Variants in TLL2 observed in about 807,000 individuals in gnomAD.
TLL2 encodes tolloid-like protein 2.
TLL2 carries 106 observed loss-of-function variants against 123.0 expected under a neutral mutation model. The ratio of observed to expected loss-of-function variants is 0.86; its 90% CI spans 0.74 to 1.01. The LOEUF (loss-of-function observed/expected upper bound fraction) is 1.01, where lower values mean the gene tolerates loss of function less well. Among genes scored for constraint, TLL2 ranks in the 50% least tolerant of loss-of-function variants. The probability of loss-of-function intolerance (pLI) is 0.00; values close to 1 mark genes in which losing one functional copy is unlikely to be tolerated. For synonymous variants in TLL2, 494 were observed against 516.8 expected, an observed-to-expected ratio of 0.96 and a Z score of 0.60; for missense variants, 1,332 against 1,336.7, an observed-to-expected ratio of 1.00 and a Z score of 0.06.
rs1051211995 is a variant in TLL2, at chr10:96,366,260, C to G, written c.*1828G>C. 1.3e-5 allele frequency: 2 copies of G among 152,614 alleles called. No homozygotes were observed. The highest frequency in any genetic ancestry group is 4.8e-5 in the African/African-American group (2 of 41,422). The allele number at this position is 152,614 out of a possible 1,614,324, so 9.5% of individuals were successfully genotyped here. On this transcript the variant is annotated 3_prime_UTR_variant, in exon 21 of 21. Transcript: ENST00000357947. ...CACGCTGGGCAGGGTCTGCCATATG[C>G]ACAATATGAGCGTGTAGGCTGAGCC...
chr10:96,379,391 T>C (rs1430768039), intron 16 of TLL2, among the ~76,000 whole-genome samples: 2 of 152,238 alleles, frequency 1.3e-5, no homozygotes, highest in Non-Finnish European at 2.9e-5. Context: ...TTAATCACAA[T>C]AGTAACAATA....
rs1847656001 is a variant in TLL2, at chr10:96,513,714, G to A, written c.-29C>T. On this transcript the variant is annotated 5_prime_UTR_variant, in exon 1 of 21. Coordinates refer to ENST00000357947, the MANE Select transcript of TLL2 (RefSeq NM_012465.4). ...GGCGCGGGGCCGGCTGGGGCAGAGG[G>A]AGTTGCGTGCACGAAAGCTCAGCTC... is the stretch of plus-strand genomic sequence containing the variant. 6.8e-7 allele frequency: 1 copy of A among 1,473,490 alleles called. No homozygotes were observed. The highest frequency in any genetic ancestry group is 2.3e-5 in the Admixed American group (1 of 43,598). 91.3% of individuals were successfully genotyped at this position (1,473,490 alleles called of 1,614,324 possible). A position where few individuals can be genotyped will look rare whatever the true frequency, so the allele number is the denominator to read the frequency against.
At position 96,373,829 on chromosome 10, in the gene TLL2, A is replaced by G. The variant is rs777519677; in HGVS notation, c.2449-20T>C. The G allele has an allele frequency of 8.1e-6, 13 of 1,608,862 alleles. No individual in the cohort carries two copies. The highest frequency in any genetic ancestry group is 6.8e-6 in the Non-Finnish European group (8 of 1,178,282). Reference sequence around the variant, plus strand: ...AAAGGTCTGGGGACAGAAGAGCAGAAAGTAAGGCAAGGGCCTGGCGTTCAG... The same window carrying G: ...AAAGGTCTGGGGACAGAAGAGCAGAGAGTAAGGCAAGGGCCTGGCGTTCAG... On this transcript the variant is annotated intron_variant, in intron 18 of 20. Transcript: ENST00000357947.
intron 13 of TLL2, among the ~76,000 whole-genome samples, chr10:96,388,089 G>A (rs939551037): frequency 1.3e-5 from 2 of 152,096 alleles, no homozygotes; most frequent in African/African-American, 4.8e-5. Flanking sequence ...ACAGCACCAC[G>A]GAAGGTAGGA....
At chr10:96,371,121 C>T (rs971785949) in intron 19 of TLL2, among the ~76,000 whole-genome samples, 5 of 151,888 alleles carry the variant, frequency 3.3e-5, no homozygotes, top group East Asian at 1.9e-4. Flanking sequence ...CAGGAGTTTG[C>T]GACCAGCCTG....
intron 17 of TLL2, among the ~76,000 whole-genome samples, chr10:96,377,641 G>A (rs146947784): frequency 1.4e-4 from 22 of 152,328 alleles, no homozygotes; most frequent in African/African-American, 4.8e-4. Context: ...TAGAAAGCAC[G>A]GTGGACTGTA....
At chr10:96,508,522 G>A (rs1049361666) in intron 1 of TLL2, among the ~76,000 whole-genome samples, 1 of 152,330 alleles carries the variant, frequency 6.6e-6, no homozygotes, top group East Asian at 1.9e-4. Flanking sequence ...GGGACCCACA[G>A]CTGTGAAGAA....
At chr10:96,503,381 G>A (rs894291833) in intron 1 of TLL2, among the ~76,000 whole-genome samples, 3 of 152,166 alleles carry the variant, frequency 2.0e-5, no homozygotes, top group African/African-American at 7.2e-5. Context: ...AAGATTATAT[G>A]ATGGGTTTCA....
chr10:96,397,469 A>G (rs1846353095), intron 10 of TLL2, among the ~76,000 whole-genome samples, 167 bp from the exon 11 acceptor site: 1 of 152,204 alleles, frequency 6.6e-6, no homozygotes. Context: ...ATGGGATTGG[A>G]AGAGTCACAC....
At chr10:96,409,322 T>C (rs955088062) in intron 9 of TLL2, among the ~76,000 whole-genome samples, 1 of 152,196 alleles carries the variant, frequency 6.6e-6, no homozygotes, top group Admixed American at 6.5e-5. Flanking sequence ...AAACCAGTAG[T>C]GACTATACCG....
At chr10:96,463,323 A>G (rs1484825164) in intron 2 of TLL2, among the ~76,000 whole-genome samples, 1 of 152,174 alleles carries the variant, frequency 6.6e-6, no homozygotes, top group Non-Finnish European at 1.5e-5. Flanking sequence ...TCAAGACCCA[A>G]CGTTCATTTC....
intron 8 of TLL2, chr10:96,410,688 T>C (rs1400941458): frequency 3.1e-6 from 2 of 642,068 alleles, no homozygotes; most frequent in Non-Finnish European, 5.8e-6. Flanking sequence ...GAATTTCTTC[T>C]GAGGCTCTCA....
intron 16 of TLL2, among the ~76,000 whole-genome samples, chr10:96,381,195 C>T (rs1203326875): frequency 6.6e-6 from 1 of 152,196 alleles, no homozygotes; most frequent in African/African-American, 2.4e-5. Flanking sequence ...GGCTCCTGCC[C>T]CCTGCCCTGC....
intron 3 of TLL2, among the ~76,000 whole-genome samples, chr10:96,435,037 T>A (rs866500844): frequency 1.3e-4 from 19 of 143,124 alleles, no homozygotes; most frequent in Admixed American, 6.8e-5. Context: ...TTTTTTTTCT[T>A]TTTTTTTTTT....
chr10:96,502,513 T>A (rs1484846099), intron 1 of TLL2, among the ~76,000 whole-genome samples: 1 of 152,016 alleles, frequency 6.6e-6, no homozygotes, highest in African/African-American at 2.4e-5. Context: ...ACAGCACTTG[T>A]GTTGGGCGGG....
chr10:96,413,319 A>G lies in TLL2; in HGVS notation c.924-3T>C, dbSNP rs1197247966. 6.2e-7 allele frequency: 1 copy of G among 1,611,998 alleles called. No homozygotes were observed. Among genetic ancestry groups the G allele is most frequent in the Non-Finnish European group, 8.5e-7 (1 of 1,178,286 alleles). ...GGATGGTGTCTAAGAAAACTCCTCTACAGGAAGGAAAAAAGACAGAAAAAG... is the reference window on the plus strand; with the variant it reads ...GGATGGTGTCTAAGAAAACTCCTCTGCAGGAAGGAAAAAAGACAGAAAAAG... On this transcript the variant is annotated splice_region_variant and splice_polypyrimidine_tract_variant and intron_variant, in intron 7 of 20. Transcript: ENST00000357947.
At position 96,384,702 on chromosome 10, in the gene TLL2, C is replaced by A. The variant is rs758506307; in HGVS notation, c.2079G>T (p.Arg693Ser). ...GLSPDAKLHG[R>S]FCGSETPEVI... ...CCTCCGGCGTCTCAGAGCCGCAGAA[C>A]CTGCCGTGCAGCTTGGCGTCGGGGG... The change falls in exon 16 of 21, where the codon AGG (arginine) becomes AGT (serine). Residue 693 changes from arginine (R) to serine (S), a missense_variant. Coordinates refer to ENST00000357947, the MANE Select transcript of TLL2 (RefSeq NM_012465.4). The A allele has an allele frequency of 6.2e-7, 1 of 1,612,398 alleles. No individual in the cohort carries two copies. Among genetic ancestry groups the A allele is most frequent in the African/African-American group, 1.3e-5 (1 of 74,912 alleles).
intron 2 of TLL2, among the ~76,000 whole-genome samples, chr10:96,449,561 A>C (rs1176221775): frequency 6.6e-6 from 1 of 152,210 alleles, no homozygotes; most frequent in Non-Finnish European, 1.5e-5. Context: ...CCGGGGACCT[A>C]CCTGGAGTTA....
At position 96,422,685 on chromosome 10, in the gene TLL2, G is replaced by A; in HGVS notation, c.681C>T (p.Ala227=). 6.2e-7 allele frequency: 1 copy of A among 1,614,200 alleles called. No individual in the cohort carries two copies. The highest frequency in any genetic ancestry group is 8.5e-7 in the Non-Finnish European group (1 of 1,180,042). ...YVGRRGGGPQ[A]ISIGKNCDKF... ...TGTCACAGTTCTTCCCAATGGATAT[G>A]GCCTGTGGGCCTCCTCCTCGGCGCC... Residue 227 remains alanine (A), a synonymous_variant, in exon 6 of 21, where the codon GCC becomes GCT. Coordinates refer to ENST00000357947, the MANE Select transcript of TLL2 (RefSeq NM_012465.4).
Sources: allele counts gnomAD v4.1 joint callset (sites outside exome capture counted in the v4.1 genomes callset), GRCh38; gene constraint gnomAD v4.1.1; transcripts MANE v1.5; gene names NCBI Gene and HGNC (gene_info 2026-07-23, HGNC 2026-07-21).